The following LHPP variants were observed in gnomAD, a reference collection of about 807,000 sequenced individuals.
LHPP encodes phospholysine phosphohistidine inorganic pyrophosphate phosphatase, also known as hLHPP.
LHPP carries 24 observed loss-of-function variants against 30.3 expected under a neutral mutation model. The ratio of observed to expected loss-of-function variants is 0.79; its 90% CI spans 0.57 to 1.11. The LOEUF is 1.11. LHPP is among the 50% of genes most tolerant of loss of function. The pLI is 0.00. For synonymous variants in LHPP, 150 were observed against 157.1 expected, an observed-to-expected ratio of 0.95 and a Z score of 0.34; for missense variants, 356 against 367.2, an observed-to-expected ratio of 0.97 and a Z score of 0.25.
chr10:124,546,114 G>A (rs79043882), intron 6 of LHPP: 5,609 of 152,368 alleles, frequency 0.037, 356 homozygotes, highest in African/African-American at 0.13. Flanking sequence ...AGGCAGAGTC[G>A]CCTGCAGGTG....
Position 124,478,300 on chromosome 10 carries a change from A to G in LHPP, c.126-5839A>G, listed in dbSNP as rs1407707547. 1.3e-5 allele frequency among the ~76,000 whole-genome samples: 2 copies of G among 152,192 alleles called. No individual in the cohort carries two copies. Among genetic ancestry groups the G allele is most frequent in the African/African-American group, 4.8e-5 (2 of 41,470 alleles). On this transcript the variant is annotated intron_variant, in intron 1 of 6. Transcript: ENST00000368842. This position sits in a 1 kb window ranked among gnomAD's most constrained non-coding sequence, Gnocchi z 4.7. ...GATCAGGGTCAGGCCCCAGGGGAGCATGAAAGCAAAGACTCAGGGTGCTAT... is the reference window on the plus strand; with the variant it reads ...GATCAGGGTCAGGCCCCAGGGGAGCGTGAAAGCAAAGACTCAGGGTGCTAT...
intron 5 of LHPP, chr10:124,498,656 T>C (rs1034911840): frequency 3.4e-6 from 2 of 585,268 alleles, no homozygotes; most frequent in Non-Finnish European, 6.1e-6. Context: ...TTTCTTTTCT[T>C]TTTCTTTTTT....
Position 124,593,415 on chromosome 10 carries a change from G to A in LHPP, c.717-19849G>A, listed in dbSNP as rs377629651. On this transcript the variant is annotated intron_variant, in intron 6 of 6. Transcript: ENST00000368842. This position sits in a 1 kb window ranked among gnomAD's most constrained non-coding sequence, Gnocchi z 4.9. ...CTCAGTTTCCACACCTGAGATGGGA[G>A]AGGTTGCATCCTAAAGGCCCTCCAT... is the stretch of plus-strand genomic sequence containing the variant. 5.9e-5 allele frequency among the ~76,000 whole-genome samples: 9 copies of A among 152,298 alleles called. No individual in the cohort carries two copies. The South Asian group carries it at 8.3e-4, about 14-fold the overall frequency.
chr10:124,498,209 T>C, intron 5 of LHPP, 81 bp downstream of exon 5: 1 of 1,373,448 alleles, frequency 7.3e-7, no homozygotes. Context: ...ATTACAGGAC[T>C]CAGGCAGCCT....
intron 6 of LHPP, among the ~76,000 whole-genome samples, chr10:124,533,869 C>T (rs1210828788): frequency 1.3e-5 from 2 of 152,174 alleles, no homozygotes; most frequent in Non-Finnish European, 2.9e-5. Flanking sequence ...CAGGGGTGCG[C>T]GAGGAGGACT....
chr10:124,570,003 G>A (rs1328307859), intron 6 of LHPP, among the ~76,000 whole-genome samples: 3 of 152,094 alleles, frequency 2.0e-5, no homozygotes, highest in Non-Finnish European at 4.4e-5. Context: ...TTGCAGTGTA[G>A]AGCTCACCCG....
At chr10:124,535,749 T>C (rs1022940835) in intron 6 of LHPP, among the ~76,000 whole-genome samples, 1 of 152,136 alleles carries the variant, frequency 6.6e-6, no homozygotes, top group African/African-American at 2.4e-5. Context: ...CCTTTAGGGG[T>C]GCATGCTGTG....
chr10:124,594,182 T>C (rs977074087), intron 6 of LHPP, among the ~76,000 whole-genome samples: 2 of 151,808 alleles, frequency 1.3e-5, no homozygotes, highest in East Asian at 3.9e-4. Flanking sequence ...ACAAAAAAAC[T>C]AGCTGGGCAT....
intron 1 of LHPP, among the ~76,000 whole-genome samples, chr10:124,464,172 C>CCT (rs916063910): frequency 9.8e-5 from 15 of 152,286 alleles, no homozygotes; most frequent in African/African-American, 3.6e-4. Flanking sequence ...CTTTGTAAGG[C>CCT]CTCCTGTTGG....
chr10:124,469,382 G>A (rs535937495), intron 1 of LHPP, among the ~76,000 whole-genome samples: 1 of 152,128 alleles, frequency 6.6e-6, no homozygotes, highest in South Asian at 2.1e-4. Flanking sequence ...CGGAGCACGG[G>A]GGAAGTAGAA....
intron 6 of LHPP, among the ~76,000 whole-genome samples, chr10:124,568,378 C>T (rs1948526715): frequency 6.6e-6 from 1 of 152,238 alleles, no homozygotes; most frequent in South Asian, 2.1e-4. Context: ...CCTTTGCCTG[C>T]AACCCCCATC....
chr10:124,493,327 A>G (rs1953591729), intron 3 of LHPP, among the ~76,000 whole-genome samples: 2 of 152,150 alleles, frequency 1.3e-5, no homozygotes, highest in African/African-American at 4.8e-5. Context: ...GAGAGCTGCC[A>G]TCACCATGCC....
rs1949081553 is a variant in LHPP at position 124,605,634 on chromosome 10, A to C, written c.717-7630A>C. On this transcript the variant is annotated intron_variant, in intron 6 of 6. Transcript: ENST00000368842. ...TGGGATGTCTGAAGAGCAGCAGCCCAGACACTGAGTGGCTGGCGAGGCGAG... is the reference window on the plus strand; with the variant it reads ...TGGGATGTCTGAAGAGCAGCAGCCCCGACACTGAGTGGCTGGCGAGGCGAG... 2.0e-5 allele frequency: 3 copies of C among 152,402 alleles called. No individual in the cohort carries two copies. In the South Asian group the frequency reaches 6.2e-4, roughly 32 times the overall value. The allele number at this position is 152,402 out of a possible 1,614,324, so 9.4% of individuals were successfully genotyped here.
intron 6 of LHPP, among the ~76,000 whole-genome samples, chr10:124,560,916 A>G (rs1948385280): frequency 6.6e-6 from 1 of 152,218 alleles, no homozygotes; most frequent in African/African-American, 2.4e-5. Context: ...ATGGAGCAGA[A>G]GTGCCTTTCC....
intron 6 of LHPP, among the ~76,000 whole-genome samples, chr10:124,528,737 G>T (rs1954808074): frequency 1.3e-5 from 2 of 152,194 alleles, no homozygotes; most frequent in African/African-American, 2.4e-5. Flanking sequence ...TTAGTCCCCT[G>T]GTCCCCGTAG....
rs539635561 is a variant in LHPP, at chr10:124,479,915, T to C, written c.126-4224T>C. ...AGATAATGGTTCTTGCCTCATAGGCTCGTTTACCCAGTGGGTACGACTTAC... is the reference window on the plus strand; with the variant it reads ...AGATAATGGTTCTTGCCTCATAGGCCCGTTTACCCAGTGGGTACGACTTAC... On this transcript the variant is annotated intron_variant, in intron 1 of 6. Transcript: ENST00000368842. Among the ~76,000 whole-genome samples the C allele has an allele frequency of 9.2e-5, 14 of 152,296 alleles. 1 individual carries two copies. Among genetic ancestry groups the C allele is most frequent in the Admixed American group, 7.2e-4 (11 of 15,296 alleles).
chr10:124,608,478 T>C lies in LHPP; in HGVS notation c.717-4786T>C, dbSNP rs376840602. On this transcript the variant is annotated intron_variant, in intron 6 of 6. Transcript: ENST00000368842. ...CTCCTGCCCTCCTCATGGGAGCCCA[T>C]GGTGCATGCTATTATGACCTCGGTC... 4.6e-5 allele frequency among the ~76,000 whole-genome samples: 7 copies of C among 152,358 alleles called. No homozygotes were observed. The East Asian group carries it at 7.7e-4, about 17-fold the overall frequency.
intron 5 of LHPP, among the ~76,000 whole-genome samples, chr10:124,515,013 G>A (rs1167689861): frequency 6.6e-6 from 1 of 151,784 alleles, no homozygotes; most frequent in East Asian, 1.9e-4. Context: ...TGTTGCCTAG[G>A]CTGGCCTTGG....
At chr10:124,587,024 C>CT (rs57728201) in intron 6 of LHPP, among the ~76,000 whole-genome samples, 4,055 of 120,622 alleles carry the variant, frequency 0.034, 170 homozygotes, top group East Asian at 0.12. Context: ...GTGCTTGCTA[C>CT]TTTTTTTTTT....
Sources: gnomAD v4.1 joint callset for allele counts (sites outside exome capture counted in the v4.1 genomes callset) on GRCh38, gnomAD v4.1.1 for gene constraint, Gnocchi (gnomAD v3.1) non-coding constraint, MANE v1.5 for transcripts, NCBI Gene and HGNC (gene_info 2026-07-23, HGNC 2026-07-21) for gene names.